SDC2: variants seen among roughly 807,000 people sequenced by gnomAD.
SDC2 encodes the protein syndecan 2.
In SDC2, 13 loss-of-function variants were observed where a neutral mutation model predicts 22.2. The ratio of observed to expected loss-of-function variants is 0.59; its 90% CI spans 0.38 to 0.93. The LOEUF (loss-of-function observed/expected upper bound fraction) is 0.93. SDC2 is among the 40% of genes least tolerant of loss of function. SDC2 has a pLI of 0.00. For missense variants in SDC2, 235 were observed against 246.8 expected, an observed-to-expected ratio of 0.95 and a Z score of 0.32; for synonymous variants, 94 against 92.8, an observed-to-expected ratio of 1.01 and a Z score of -0.07.
intron 1 of SDC2, among the ~76,000 whole-genome samples, chr8:96,498,176 A>C (rs146223338): frequency 6.6e-6 from 1 of 152,184 alleles, no homozygotes; most frequent in South Asian, 2.1e-4. Flanking sequence ...CATTCTGCAG[A>C]TATTTATTTC....
chr8:96,509,750 A>G (rs1409445696), intron 1 of SDC2, among the ~76,000 whole-genome samples: 1 of 152,152 alleles, frequency 6.6e-6, no homozygotes, highest in Non-Finnish European at 1.5e-5. Flanking sequence ...CTAGCAGGTA[A>G]GATTTTGTAT....
chr8:96,544,898 TATC>T (rs1175981551), intron 1 of SDC2, among the ~76,000 whole-genome samples: 1 of 152,268 alleles, frequency 6.6e-6, no homozygotes, highest in East Asian at 1.9e-4. Flanking sequence ...TGCAATAGGT[TATC>T]ATGTACTGTT....
At chr8:96,602,946 T>C (rs1478106127) in intron 3 of SDC2, among the ~76,000 whole-genome samples, 5 of 152,214 alleles carry the variant, frequency 3.3e-5, no homozygotes, top group Non-Finnish European at 1.5e-5. Context: ...CTAGTCTCAC[T>C]AAGTCATTTC....
intron 1 of SDC2, among the ~76,000 whole-genome samples, chr8:96,501,295 CTTTTTTTTTTT>C (rs35998270): frequency 3.3e-3 from 184 of 55,158 alleles, no homozygotes; most frequent in African/African-American, 0.012. Context: ...ATACGTATTT[CTTTTTTTTTTT>C]TTTTTTTTTT....
chr8:96,526,521 A>G (rs1813581070), intron 1 of SDC2, among the ~76,000 whole-genome samples: 1 of 152,198 alleles, frequency 6.6e-6, no homozygotes, highest in Non-Finnish European at 1.5e-5. Flanking sequence ...TCAAGGAGGC[A>G]GGGAGACAGA....
At chr8:96,577,169 A>G (rs1401834823) in intron 1 of SDC2, among the ~76,000 whole-genome samples, 1 of 152,188 alleles carries the variant, frequency 6.6e-6, no homozygotes, top group African/African-American at 2.4e-5. Flanking sequence ...ACCCATTACA[A>G]CTGTAAATGG....
intron 2 of SDC2, among the ~76,000 whole-genome samples, chr8:96,595,185 A>C (rs566021128): frequency 1.3e-5 from 2 of 152,348 alleles, no homozygotes; most frequent in African/African-American, 4.8e-5. Context: ...ACAGATTGTT[A>C]GATATCTATG....
intron 1 of SDC2, chr8:96,580,251 C>T (rs1039400628): frequency 1.7e-4 from 49 of 295,372 alleles, no homozygotes; most frequent in Non-Finnish European, 2.4e-4. Flanking sequence ...ATCATTCAGC[C>T]GCATTCTTTA....
intron 1 of SDC2, among the ~76,000 whole-genome samples, chr8:96,585,597 C>A (rs1429002512): frequency 1.3e-5 from 2 of 152,082 alleles, no homozygotes; most frequent in African/African-American, 4.8e-5. Context: ...AAGGGGACAT[C>A]ATTCAGTTAA....
At chr8:96,566,304 T>A (rs1001843576) in intron 1 of SDC2, among the ~76,000 whole-genome samples, 3 of 152,236 alleles carry the variant, frequency 2.0e-5, no homozygotes, top group African/African-American at 7.2e-5. Flanking sequence ...ACACTTAAAC[T>A]CTCTCAGGAC....
intron 1 of SDC2, among the ~76,000 whole-genome samples, chr8:96,511,413 T>C (rs944065319): frequency 6.6e-6 from 1 of 152,186 alleles, no homozygotes; most frequent in African/African-American, 2.4e-5. Flanking sequence ...ACTTACTGAA[T>C]CGTATTTAAG....
chr8:96,564,398 A>T (rs1306286147), intron 1 of SDC2, among the ~76,000 whole-genome samples: 1 of 152,210 alleles, frequency 6.6e-6, no homozygotes, highest in Non-Finnish European at 1.5e-5. Flanking sequence ...TGAGTAGGGC[A>T]TCTGGAACTT....
intron 1 of SDC2, among the ~76,000 whole-genome samples, chr8:96,508,029 G>T (rs1164092909): frequency 6.6e-6 from 1 of 152,132 alleles, no homozygotes; most frequent in African/African-American, 2.4e-5. Context: ...AGGCGCGGTG[G>T]CTCATGCCTG....
At chr8:96,528,470 A>G (rs1399152306) in intron 1 of SDC2, among the ~76,000 whole-genome samples, 2 of 152,206 alleles carry the variant, frequency 1.3e-5, no homozygotes, top group Non-Finnish European at 2.9e-5. Context: ...AGTGCTCATA[A>G]CAATATGGTT....
At chr8:96,595,373 C>T (rs1272583411) in intron 2 of SDC2, among the ~76,000 whole-genome samples, 1 of 152,124 alleles carries the variant, frequency 6.6e-6, no homozygotes, top group South Asian at 2.1e-4. Flanking sequence ...AATGAGCTTA[C>T]AATGCAGTCC....
intron 1 of SDC2, among the ~76,000 whole-genome samples, chr8:96,563,305 C>A (rs1563662928): frequency 1.3e-5 from 2 of 152,164 alleles, no homozygotes; most frequent in South Asian, 4.1e-4. Context: ...TCCCAATTTT[C>A]AGGGAGAGTG....
chr8:96,565,057 C>G (rs1043755818), intron 1 of SDC2, among the ~76,000 whole-genome samples: 1 of 102,356 alleles, frequency 9.8e-6, no homozygotes, highest in Non-Finnish European at 2.4e-5. Flanking sequence ...GGTAAGCATA[C>G]TGATCACTGA....
At chr8:96,507,449 A>G (rs1367621446) in intron 1 of SDC2, among the ~76,000 whole-genome samples, 1 of 152,164 alleles carries the variant, frequency 6.6e-6, no homozygotes, top group East Asian at 1.9e-4. Flanking sequence ...TACTTTTTCT[A>G]TTTCCAGCAA....
intron 3 of SDC2, among the ~76,000 whole-genome samples, chr8:96,603,700 A>T (rs916596086): frequency 1.3e-5 from 2 of 152,110 alleles, no homozygotes; most frequent in African/African-American, 4.8e-5. Flanking sequence ...AGTGCCTGTG[A>T]CTGGAATGGT....
Sources: gnomAD v4.1 joint callset for allele counts (sites outside exome capture counted in the v4.1 genomes callset) on GRCh38, gnomAD v4.1.1 for gene constraint, MANE v1.5 for transcripts, NCBI Gene and HGNC (gene_info 2026-07-23, HGNC 2026-07-21) for gene names.